USP22: variants seen among roughly 807,000 people sequenced by gnomAD.
USP22 encodes the protein ubiquitin carboxyl-terminal hydrolase 22.
A neutral mutation model predicts 68.1 loss-of-function variants in USP22; 22 were observed. That is an observed-to-expected ratio of 0.32 (90% CI 0.23 to 0.46). USP22 has a LOEUF of 0.46. Ranked by LOEUF, USP22 falls within the 20% of genes least tolerant of loss-of-function variation. The pLI is 1.00. For missense variants in USP22, 433 were observed against 695.8 expected, an observed-to-expected ratio of 0.62 and a Z score of 4.25; for synonymous variants, 279 against 274.2, an observed-to-expected ratio of 1.02 and a Z score of -0.17.
chr17:21,002,867 G>A lies in USP22; in HGVS notation c.*164C>T, dbSNP rs1342355731. ...CCTCCCCGTCCGTGTGGTCCATCCC[G>A]ACCCGATGGGTCCCAGGTGCAGAGG... On this transcript the variant is annotated 3_prime_UTR_variant, in exon 13 of 13. Transcript: ENST00000261497. 1.3e-5 allele frequency: 11 copies of A among 814,974 alleles called. No individual in the cohort carries two copies. The highest frequency in any genetic ancestry group is 1.1e-4 in the South Asian group (7 of 65,760). The allele number at this position is 814,974 out of a possible 1,614,324, so 50.5% of individuals were successfully genotyped here.
At position 21,028,669 on chromosome 17, in the gene USP22, C is replaced by T. The variant is rs1418458775; in HGVS notation, c.177G>A (p.Lys59=). The T allele has an allele frequency of 1.2e-6, 2 of 1,613,580 alleles. No individual in the cohort carries two copies. The highest frequency in any genetic ancestry group is 1.7e-6 in the Non-Finnish European group (2 of 1,179,970). The change falls in exon 2 of 13, where the codon AAG becomes AAA. Residue 59 remains lysine, a synonymous_variant. Transcript: ENST00000261497. ...GTAEARKRKA[K]SCICHVCGVH... is the part of the protein sequence containing the mutation. ...CGCCACAGACATGGCAGATACAGGA[C>T]TTGGCCTGAAATTCAGAGAAGAGGA...
At chr17:21,009,970 ATT>A (rs1491573832) in intron 8 of USP22, among the ~76,000 whole-genome samples, 1 of 130,116 alleles carries the variant, frequency 7.7e-6, no homozygotes, top group African/African-American at 2.7e-5. Flanking sequence ...AAAAAAAAAA[ATT>A]AAAAAAAAAA....
rs910487576 is a variant in USP22 at position 21,031,970 on chromosome 17, C to T, written c.172-3296G>A. 9.9e-5 allele frequency among the ~76,000 whole-genome samples: 15 copies of T among 152,234 alleles called. 1 individual carries two copies. Among genetic ancestry groups the T allele is most frequent in the Admixed American group, 6.5e-5 (1 of 15,288 alleles). ...GCTGTCTCTGACATACTGATAAAAC[C>T]TCAATCTTATGTCTGGTATAGTCAC... On this transcript the variant is annotated intron_variant, in intron 1 of 12. Coordinates refer to ENST00000261497, the MANE Select transcript of USP22 (RefSeq NM_015276.2).
chr17:21,015,312 A>G (rs1167388835), intron 6 of USP22, among the ~76,000 whole-genome samples: 1 of 152,156 alleles, frequency 6.6e-6, no homozygotes, highest in Non-Finnish European at 1.5e-5. Context: ...CTCTCTGGCT[A>G]TTTCAGAGCA....
At chr17:21,033,522 G>A (rs1246709479) in intron 1 of USP22, among the ~76,000 whole-genome samples, 4 of 152,052 alleles carry the variant, frequency 2.6e-5, no homozygotes, top group Non-Finnish European at 5.9e-5. Flanking sequence ...TAGTCAACCA[G>A]ACTTACCCTA....
At chr17:21,009,039 C>T (rs147826098) in intron 8 of USP22, among the ~76,000 whole-genome samples, 6 of 137,144 alleles carry the variant, frequency 4.4e-5, no homozygotes, top group African/African-American at 1.7e-4. Context: ...TGCAGTGAGC[C>T]GAGATTGTGC....
chr17:21,011,606 C>G, intron 7 of USP22: 1 of 360,668 alleles, frequency 2.8e-6, no homozygotes, highest in Non-Finnish European at 5.2e-6. Context: ...GGAGGATAAA[C>G]TCATGGGCCC....
intron 1 of USP22, among the ~76,000 whole-genome samples, chr17:21,029,301 G>T (rs1271592326): frequency 6.6e-6 from 1 of 152,110 alleles, no homozygotes; most frequent in East Asian, 1.9e-4. Flanking sequence ...AGCCGCCACT[G>T]GCAATAGTTG....
intron 7 of USP22, chr17:21,011,593 G>C (rs557977246): frequency 5.1e-5 from 20 of 390,826 alleles, no homozygotes; most frequent in African/African-American, 3.4e-4. Flanking sequence ...GAGGGACTTG[G>C]GAGGAGGATA....
chr17:21,039,494 G>C (rs1047362100), intron 1 of USP22, among the ~76,000 whole-genome samples: 1 of 151,984 alleles, frequency 6.6e-6, no homozygotes, highest in Non-Finnish European at 1.5e-5. Context: ...AACCCTGGAG[G>C]GGGAGGCTGT....
At chr17:21,043,313 C>CCCCCT (rs1972475825), upstream of USP22, 1 of 88,720 alleles carries the variant, frequency 1.1e-5, no homozygotes, top group African/African-American at 4.7e-5. Context: ...CCCCCCCCCC[C>CCCCCT]CCGGCACCTT....
intron 10 of USP22, among the ~76,000 whole-genome samples, chr17:21,005,856 A>G (rs1913760159): frequency 2.0e-5 from 3 of 152,248 alleles, no homozygotes. Context: ...AGAGACTCAA[A>G]GTAAAGATGT....
rs931148236 is a variant in USP22 at position 21,042,770 on chromosome 17, G to C, written c.66C>G (p.Gly22=). ...MDAELAVAPP[G]CSHLGSFKVD... is the part of the protein sequence containing the mutation. ...CCTTGAAGCTGCCCAGGTGCGAGCA[G>C]CCCGGCGGCGCTACCGCCAGCTCGG... is the stretch of plus-strand genomic sequence containing the variant. The change falls in exon 1 of 13, where the codon GGC becomes GGG. Residue 22 remains glycine (G), a synonymous_variant. Transcript: ENST00000261497. 1.3e-6 allele frequency: 2 copies of C among 1,492,690 alleles called. No homozygotes were observed. Among genetic ancestry groups the C allele is most frequent in the Non-Finnish European group, 1.8e-6 (2 of 1,122,938 alleles). The allele number at this position is 1,492,690 out of a possible 1,614,324, so 92.5% of individuals were successfully genotyped here.
At chr17:21,026,223 A>C (rs1383064381) in intron 2 of USP22, among the ~76,000 whole-genome samples, 1 of 152,232 alleles carries the variant, frequency 6.6e-6, no homozygotes, top group African/African-American at 2.4e-5. Flanking sequence ...GTGCCATTGC[A>C]CAGCATGATA....
chr17:21,042,391 GACAGAGAGGAGGGGGAGGGA>G, intron 1 of USP22: 1 of 233,418 alleles, frequency 4.3e-6, no homozygotes, highest in Non-Finnish European at 8.1e-6. Context: ...AGGGGGAGGG[GACAGAGAGGAGGGGGAGGGA>G]AAGGAAGAAT....
chr17:21,013,627 C>T (rs752325123), intron 6 of USP22, among the ~76,000 whole-genome samples: 3 of 152,150 alleles, frequency 2.0e-5, no homozygotes, highest in African/African-American at 4.8e-5. Flanking sequence ...AGTTCAAAGA[C>T]GTTGAATCAT....
intron 5 of USP22, among the ~76,000 whole-genome samples, chr17:21,016,490 T>C (rs559424678): frequency 3.9e-4 from 60 of 152,350 alleles, no homozygotes; most frequent in Middle Eastern, 3.4e-3. Context: ...AGGGCAGTTT[T>C]ATTTCTCATC....
chr17:21,029,936 T>G (rs746710237), intron 1 of USP22, among the ~76,000 whole-genome samples: 4 of 152,244 alleles, frequency 2.6e-5, no homozygotes, highest in Non-Finnish European at 4.4e-5. Flanking sequence ...GGTAAGGCAG[T>G]GACTGCACAG....
intron 11 of USP22, 28 bp downstream of exon 11, chr17:21,004,900 G>T: frequency 6.2e-7 from 1 of 1,613,302 alleles, no homozygotes; most frequent in South Asian, 1.1e-5. Flanking sequence ...AGAGGCCCTG[G>T]ACACCCACAC....
Sources: gnomAD v4.1 joint callset for allele counts (sites outside exome capture counted in the v4.1 genomes callset) on GRCh38, gnomAD v4.1.1 for gene constraint, MANE v1.5 for transcripts, NCBI Gene and HGNC (gene_info 2026-07-23, HGNC 2026-07-21) for gene names.